Variants in FAM120A observed in about 807,000 individuals in gnomAD.
FAM120A encodes family with sequence similarity 120 member A, also known as constitutive coactivator of PPAR-gamma-like protein 1.
In FAM120A, 15 loss-of-function variants were observed where a neutral mutation model predicts 109.7. That is an observed-to-expected ratio of 0.14 (90% CI 0.09 to 0.21). The LOEUF (loss-of-function observed/expected upper bound fraction) is 0.21, where lower values mean the gene tolerates loss of function less well. Among genes scored for constraint, FAM120A ranks in the 10% least tolerant of loss-of-function variants. FAM120A has a pLI of 1.00. For synonymous variants in FAM120A, 493 were observed against 572.8 expected, an observed-to-expected ratio of 0.86 and a Z score of 1.99; for missense variants, 899 against 1,439.3, an observed-to-expected ratio of 0.62 and a Z score of 6.07.
At chr9:93,485,454 G>A (rs1441795957) in intron 3 of FAM120A, among the ~76,000 whole-genome samples, 1 of 152,012 alleles carries the variant, frequency 6.6e-6, no homozygotes, top group Non-Finnish European at 1.5e-5. Flanking sequence ...AAAACTAGCT[G>A]GGTGTGGTGG....
In FAM120A at chr9:93,486,036, G is replaced by A. The variant is rs76992074; in HGVS notation, c.804+9698G>A. On this transcript the variant is annotated intron_variant, in intron 3 of 17. Transcript: ENST00000277165. ...TACTCTGGAGTGCAGTCAGTGGCAC[G>A]ATCATAGCTGACTGTAACTTTGAAC... is the stretch of plus-strand genomic sequence containing the variant. Among the ~76,000 whole-genome samples, 1,009 of 152,220 alleles carry A rather than the reference G, an allele frequency of 6.6e-3. 14 individuals are homozygous for A. The highest frequency in any genetic ancestry group is 0.023 in the African/African-American group (972 of 41,526).
chr9:93,559,119 A>C (rs1304049329), intron 15 of FAM120A, among the ~76,000 whole-genome samples: 1 of 152,242 alleles, frequency 6.6e-6, no homozygotes, highest in Non-Finnish European at 1.5e-5. Context: ...CCTGACATAA[A>C]AAGTCTGTCA....
At chr9:93,554,721 A>C (rs1862234200) in intron 12 of FAM120A, among the ~76,000 whole-genome samples, 1 of 152,184 alleles carries the variant, frequency 6.6e-6, no homozygotes, top group Non-Finnish European at 1.5e-5. Flanking sequence ...ATGTGCTTAC[A>C]CAAAGGGTGT....
At chr9:93,508,939 T>C (rs1331366009) in intron 5 of FAM120A, among the ~76,000 whole-genome samples, 2 of 151,986 alleles carry the variant, frequency 1.3e-5, no homozygotes, top group East Asian at 1.9e-4. Flanking sequence ...GGAAAGACAA[T>C]ATGTAAAGAA....
intron 1 of FAM120A, among the ~76,000 whole-genome samples, chr9:93,460,522 A>C (rs1170723006): frequency 6.6e-6 from 1 of 152,014 alleles, no homozygotes; most frequent in Non-Finnish European, 1.5e-5. Context: ...TTTTTAGTAG[A>C]GACAGGGTTT....
Position 93,523,399 on chromosome 9 carries a change from G to A in FAM120A, c.1419-3756G>A, listed in dbSNP as rs907528013. Reference sequence around the variant, plus strand: ...CTGGGGCTGAGGGAATGACTTTAGTGTAACTGTAGGTTTTTCTTTCAGATT... The same window carrying A: ...CTGGGGCTGAGGGAATGACTTTAGTATAACTGTAGGTTTTTCTTTCAGATT... On this transcript the variant is annotated intron_variant, in intron 7 of 17. Transcript: ENST00000277165. 4 of 1,020,568 alleles carry A rather than the reference G, an allele frequency of 3.9e-6. No individual in the cohort carries two copies. In the African/African-American group the frequency reaches 5.0e-5, roughly 13 times the overall value. The allele number at this position is 1,020,568 out of a possible 1,614,324, so 63.2% of individuals were successfully genotyped here. A position where few individuals can be genotyped will look rare whatever the true frequency, so the allele number is the denominator to read the frequency against.
At chr9:93,462,990 A>G (rs1011349528) in intron 1 of FAM120A, among the ~76,000 whole-genome samples, 3 of 152,140 alleles carry the variant, frequency 2.0e-5, no homozygotes, top group African/African-American at 7.2e-5. Flanking sequence ...TGCTGTGAAC[A>G]TGAATGTACC....
At position 93,497,543 on chromosome 9, in the gene FAM120A, A is replaced by G. The variant is rs763508851; in HGVS notation, c.877A>G (p.Ile293Val). 1.2e-5 allele frequency: 20 copies of G among 1,613,520 alleles called. No individual in the cohort carries two copies. The South Asian group carries it at 2.2e-4, about 18-fold the overall frequency. ...AGCCGTTGCTGACTATGTACGCAAC[A>G]TTCAGGACACCTCTGACTTGGATGC... ...IKAVADYVRN[I>V]QDTSDLDAIA... The change falls in exon 4 of 18, where the codon ATT becomes GTT. Residue 293 changes from isoleucine to valine, a missense_variant. Transcript: ENST00000277165.
At chr9:93,537,453 T>A (rs925953841) in intron 10 of FAM120A, among the ~76,000 whole-genome samples, 1 of 152,220 alleles carries the variant, frequency 6.6e-6, no homozygotes, top group African/African-American at 2.4e-5. Flanking sequence ...TTGGCTTTTG[T>A]TTCTTGCCTC....
At chr9:93,555,934 A>G (rs1391216476) in intron 12 of FAM120A, among the ~76,000 whole-genome samples, 2 of 152,244 alleles carry the variant, frequency 1.3e-5, no homozygotes, top group African/African-American at 4.8e-5. Context: ...TAACTATTTA[A>G]AAATGCAGAA....
intron 7 of FAM120A, chr9:93,523,484 A>G: frequency 2.9e-6 from 1 of 348,540 alleles, no homozygotes; most frequent in South Asian, 2.5e-5. Flanking sequence ...ACATGGTACC[A>G]TTTCTAATAT....
rs766469725 is a variant in FAM120A at position 93,476,351 on chromosome 9, CTT to C, written c.804+15_804+16del. On this transcript the variant is annotated intron_variant, in intron 3 of 17. Transcript: ENST00000277165. ...AGCCTCACTAAAGGTACAAATTTCA[CTT>C]TATTTTTCTAGCATTTGTAATAATC... 6.5e-7 allele frequency: 1 copy of C among 1,527,204 alleles called. No individual in the cohort carries two copies. Among genetic ancestry groups the C allele is most frequent in the East Asian group, 2.3e-5 (1 of 44,210 alleles). 94.6% of individuals were successfully genotyped at this position (1,527,204 alleles called of 1,614,324 possible).
At chr9:93,523,081 T>C (rs4744254) in intron 7 of FAM120A, among the ~76,000 whole-genome samples, 42,487 of 152,168 alleles carry the variant, frequency 0.28, 7,004 homozygotes, top group East Asian at 0.42. Context: ...ATGAAAAAGC[T>C]CAATGAATGG....
In FAM120A at chr9:93,498,813, T is replaced by G. The variant is rs1327515336; in HGVS notation, c.957T>G (p.Ile319Met). 6.2e-7 allele frequency: 1 copy of G among 1,611,984 alleles called. No homozygotes were observed. The highest frequency in any genetic ancestry group is 1.7e-5 in the Admixed American group (1 of 59,996). Residue 319 changes from isoleucine (I) to methionine (M), a missense_variant, in exon 5 of 18, where the codon ATT (isoleucine) becomes ATG (methionine). By Grantham distance (10) the Ile-to-Met change is conservative. This residue lies in a region of FAM120A where 258 missense variants were observed against 451.4 expected (regional missense o/e 0.57). Transcript: ENST00000277165. The surrounding 1 kb of genome is among the most constrained non-coding windows in gnomAD (Gnocchi z 4.4). ...HSQSRTDDKV[I>M]RFKRAIGYYS... Reference sequence around the variant, plus strand: ...AGTCTAGAACAGATGACAAAGTTATTCGATTTAAGAGAGCAATTGGATATT... The same window carrying G: ...AGTCTAGAACAGATGACAAAGTTATGCGATTTAAGAGAGCAATTGGATATT...
At chr9:93,466,615 T>A (rs35383254) in intron 1 of FAM120A, among the ~76,000 whole-genome samples, 12,020 of 152,116 alleles carry the variant, frequency 0.079, 612 homozygotes, top group Non-Finnish European at 0.11. Context: ...GGGGTGTCTC[T>A]GTGTCTAGGC....
chr9:93,498,888 T>A lies in FAM120A; in HGVS notation c.1030+2T>A. ...CATTTCATCCACCACATTACTTAGG[T>A]AAGTAAATAAAAGCCTGTGATCAAT... On this transcript the variant is annotated splice_donor_variant, in intron 5 of 17. Transcript: ENST00000277165. LOFTEE classifies it high-confidence loss of function. The surrounding 1 kb of genome is among the most constrained non-coding windows in gnomAD (Gnocchi z 4.4). 1 of 1,534,938 alleles carries A rather than the reference T, an allele frequency of 6.5e-7. No individual in the cohort carries two copies. Among genetic ancestry groups the A allele is most frequent in the Non-Finnish European group, 9.0e-7 (1 of 1,107,848 alleles).
chr9:93,473,161 C>T (rs919802888), intron 2 of FAM120A, among the ~76,000 whole-genome samples: 21 of 151,932 alleles, frequency 1.4e-4, no homozygotes, highest in East Asian at 1.9e-4. Context: ...GGATTACAGG[C>T]GCCCACCACC....
intron 3 of FAM120A, among the ~76,000 whole-genome samples, chr9:93,489,436 T>G (rs536666177): frequency 6.6e-6 from 1 of 152,332 alleles, no homozygotes; most frequent in South Asian, 2.1e-4. Flanking sequence ...CTGGTGGCAC[T>G]TTTTTGTAAA....
intron 14 of FAM120A, 64 bp downstream of exon 14, chr9:93,558,074 C>G: frequency 4.9e-6 from 7 of 1,441,206 alleles, no homozygotes; most frequent in Non-Finnish European, 6.4e-6. Flanking sequence ...GAAAGTGCAG[C>G]CCTTATAGGC....
Sources: allele counts gnomAD v4.1 joint callset (sites outside exome capture counted in the v4.1 genomes callset), GRCh38; gene constraint gnomAD v4.1.1; regional missense constraint gnomAD v4.1.1; non-coding constraint Gnocchi (gnomAD v3.1); transcripts MANE v1.5; gene names NCBI Gene and HGNC (gene_info 2026-07-23, HGNC 2026-07-21).